Variants in MAP2K6 observed in about 807,000 individuals in gnomAD.
MAP2K6 encodes the protein mitogen-activated protein kinase kinase 6.
In MAP2K6, 16 loss-of-function variants were observed where a neutral mutation model predicts 53.7. The ratio of observed to expected loss-of-function variants is 0.30; its 90% CI spans 0.20 to 0.45. The LOEUF (loss-of-function observed/expected upper bound fraction) is 0.45. Among genes scored for constraint, MAP2K6 ranks in the 20% least tolerant of loss-of-function variants. The pLI, the probability that MAP2K6 is intolerant of heterozygous loss-of-function variation, is 1.00. For missense variants in MAP2K6, 204 were observed against 411.9 expected, an observed-to-expected ratio of 0.50 and a Z score of 4.37; for synonymous variants, 132 against 143.1, an observed-to-expected ratio of 0.92 and a Z score of 0.55.
chr17:69,475,168 T>TG (rs1379837854), intron 1 of MAP2K6, among the ~76,000 whole-genome samples: 3 of 143,676 alleles, frequency 2.1e-5, no homozygotes, highest in African/African-American at 8.0e-5. Flanking sequence ...ATCTGTGTTT[T>TG]TTTTTTTTTT....
chr17:69,524,843 G>T, intron 8 of MAP2K6, 58 bp from the exon 9 acceptor site: 1 of 1,336,584 alleles, frequency 7.5e-7, no homozygotes, highest in Admixed American at 1.7e-5. Flanking sequence ...AGACTATTGA[G>T]CTAAGAACGT....
intron 9 of MAP2K6, among the ~76,000 whole-genome samples, chr17:69,525,880 C>T (rs528386671): frequency 2.6e-5 from 4 of 152,216 alleles, no homozygotes; most frequent in Non-Finnish European, 5.9e-5. Context: ...TCCTTAGACA[C>T]AGCCCTAAAG....
chr17:69,442,488 A>G (rs570361887), intron 1 of MAP2K6, among the ~76,000 whole-genome samples: 3 of 152,314 alleles, frequency 2.0e-5, no homozygotes, highest in South Asian at 2.1e-4. Flanking sequence ...CTTTATCCCA[A>G]TTTTGTTTCC....
At chr17:69,465,281 T>A (rs1391966709) in intron 1 of MAP2K6, among the ~76,000 whole-genome samples, 1 of 151,916 alleles carries the variant, frequency 6.6e-6, no homozygotes, top group South Asian at 2.1e-4. Flanking sequence ...AAGTCTTTAA[T>A]AAAATGATAT....
chr17:69,478,797 T>C (rs1315880390), intron 1 of MAP2K6, among the ~76,000 whole-genome samples: 1 of 152,110 alleles, frequency 6.6e-6, no homozygotes, highest in Non-Finnish European at 1.5e-5. Flanking sequence ...TGAGTAAATA[T>C]TTGAGGAGAG....
At chr17:69,490,201 C>T (rs945783701) in intron 1 of MAP2K6, among the ~76,000 whole-genome samples, 4 of 152,186 alleles carry the variant, frequency 2.6e-5, no homozygotes, top group African/African-American at 9.6e-5. Flanking sequence ...TCCAAGATGG[C>T]GTTGAGTTAG....
rs1911916924 is a variant in MAP2K6 at position 69,547,319 on chromosome 17, G to A, written c.*5566G>A. 6.6e-6 allele frequency: 1 copy of A among 152,212 alleles called. No homozygotes were observed. The highest frequency in any genetic ancestry group is 1.5e-5 in the Non-Finnish European group (1 of 68,052). The allele number at this position is 152,212 out of a possible 1,614,324, so 9.4% of individuals were successfully genotyped here. A position where few individuals can be genotyped will look rare whatever the true frequency, so the allele number is the denominator to read the frequency against. On this transcript the variant is annotated 3_prime_UTR_variant, in exon 12 of 12. Coordinates refer to ENST00000590474, the MANE Select transcript of MAP2K6 (RefSeq NM_002758.4). ...AACTTTTTCTGTATAGGACCAGATA[G>A]TAAATATTTTTGGCTTTGTGTGTTA...
intron 11 of MAP2K6, among the ~76,000 whole-genome samples, chr17:69,536,422 C>T (rs1045007008): frequency 6.6e-6 from 1 of 152,084 alleles, no homozygotes; most frequent in Non-Finnish European, 1.5e-5. Flanking sequence ...TATGTGTATA[C>T]AATTTATATT....
intron 1 of MAP2K6, among the ~76,000 whole-genome samples, chr17:69,474,365 T>A (rs1336486070): frequency 6.6e-6 from 1 of 152,200 alleles, no homozygotes; most frequent in Non-Finnish European, 1.5e-5. Context: ...TCATTAATAG[T>A]ATCCTCTTTT....
intron 1 of MAP2K6, among the ~76,000 whole-genome samples, chr17:69,467,022 A>G (rs1263509552): frequency 6.6e-6 from 1 of 152,212 alleles, no homozygotes; most frequent in East Asian, 1.9e-4. Context: ...AAAGCAGAAA[A>G]GTGCATCTTA....
At chr17:69,475,404 G>A (rs1432538248) in intron 1 of MAP2K6, among the ~76,000 whole-genome samples, 1 of 152,038 alleles carries the variant, frequency 6.6e-6, no homozygotes, top group African/African-American at 2.4e-5. Context: ...TCCTGACCTC[G>A]TGATCCGCCC....
Position 69,544,851 on chromosome 17 carries a change from T to A in MAP2K6, c.*3098T>A, listed in dbSNP as rs1235227953. On this transcript the variant is annotated 3_prime_UTR_variant, in exon 12 of 12. Coordinates refer to ENST00000590474, the MANE Select transcript of MAP2K6 (RefSeq NM_002758.4). ...TATATTCATAATGCTATTAAATTAT[T>A]TTTGCCACTCCTCTTTCAGAAAAGG... 1.3e-5 allele frequency: 2 copies of A among 152,230 alleles called. No individual in the cohort carries two copies. Among genetic ancestry groups the A allele is most frequent in the Admixed American group, 6.5e-5 (1 of 15,284 alleles). 9.4% of individuals were successfully genotyped at this position (152,230 alleles called of 1,614,324 possible).
At chr17:69,486,062 C>T (rs921288222) in intron 1 of MAP2K6, among the ~76,000 whole-genome samples, 4 of 152,058 alleles carry the variant, frequency 2.6e-5, no homozygotes, top group Non-Finnish European at 5.9e-5. Flanking sequence ...AAGCAAAGAG[C>T]CTTGTGCTAA....
rs1263525138 is a variant in MAP2K6, at chr17:69,525,063, C to G, written c.741+85C>G. On this transcript the variant is annotated intron_variant, in intron 9 of 11. Coordinates refer to ENST00000590474, the MANE Select transcript of MAP2K6 (RefSeq NM_002758.4). ...GGACGTTGGGTTCAAGAAACAAATG[C>G]CCTAAATGCTGGTTTGGGGCGCCCT... is the stretch of plus-strand genomic sequence containing the variant. The G allele has an allele frequency of 3.4e-6, 4 of 1,175,554 alleles. No homozygotes were observed. In the South Asian group the frequency reaches 3.8e-5, roughly 11 times the overall value. The allele number at this position is 1,175,554 out of a possible 1,614,324, so 72.8% of individuals were successfully genotyped here.
intron 10 of MAP2K6, among the ~76,000 whole-genome samples, chr17:69,532,220 C>T (rs997706702): frequency 1.3e-5 from 2 of 152,174 alleles, no homozygotes; most frequent in African/African-American, 4.8e-5. Context: ...TAAAAAGAGG[C>T]ACTAGATGTT....
chr17:69,454,303 A>G (rs1331542458), intron 1 of MAP2K6, among the ~76,000 whole-genome samples: 1 of 152,200 alleles, frequency 6.6e-6, no homozygotes, highest in African/African-American at 2.4e-5. Context: ...ACCAGAGAAA[A>G]TGATCAGGGC....
At chr17:69,432,201 T>C (rs1176884036) in intron 1 of MAP2K6, among the ~76,000 whole-genome samples, 2 of 152,258 alleles carry the variant, frequency 1.3e-5, no homozygotes, top group Non-Finnish European at 2.9e-5. Flanking sequence ...TTTTACATCA[T>C]TCTTTTAATA....
In MAP2K6 at chr17:69,532,109, G is replaced by A. The variant is rs546563341; in HGVS notation, c.882-4006G>A. 6.9e-4 allele frequency among the ~76,000 whole-genome samples: 105 copies of A among 152,240 alleles called. 1 individual carries two copies. Among genetic ancestry groups the A allele is most frequent in the Middle Eastern group, 3.4e-3 (1 of 292 alleles). On this transcript the variant is annotated intron_variant, in intron 10 of 11. Coordinates refer to ENST00000590474, the MANE Select transcript of MAP2K6 (RefSeq NM_002758.4). ...GACCAGTCTGATGGCATATTGAAGGGTAGTGGAGGCCCACTCAAGCATCAA... is the reference window on the plus strand; with the variant it reads ...GACCAGTCTGATGGCATATTGAAGGATAGTGGAGGCCCACTCAAGCATCAA...
intron 7 of MAP2K6, among the ~76,000 whole-genome samples, chr17:69,522,890 CAAAAAAAAAAA>C (rs34231223): frequency 2.0e-5 from 2 of 98,902 alleles, no homozygotes; most frequent in Admixed American, 2.2e-4. Flanking sequence ...TCCTGTCTGT[CAAAAAAAAAAA>C]AAAAAAAAAG....
Sources: gnomAD v4.1 joint callset for allele counts (sites outside exome capture counted in the v4.1 genomes callset) on GRCh38, gnomAD v4.1.1 for gene constraint, MANE v1.5 for transcripts, NCBI Gene and HGNC (gene_info 2026-07-23, HGNC 2026-07-21) for gene names.